PCDHA6: variants seen among roughly 807,000 people sequenced by gnomAD.
The protein encoded by PCDHA6 is protocadherin alpha-6.
In PCDHA6, 55 loss-of-function variants were observed where a neutral mutation model predicts 60.3. That is an observed-to-expected ratio of 0.91 (90% CI 0.73 to 1.14). The LOEUF (loss-of-function observed/expected upper bound fraction) is 1.14. Among genes scored for constraint, PCDHA6 ranks in the 50% most tolerant of loss-of-function variants. The probability of loss-of-function intolerance (pLI) is 0.00; values close to 1 mark genes in which losing one functional copy is unlikely to be tolerated. For synonymous variants in PCDHA6, 652 were observed against 557.9 expected (o/e 1.17, Z -2.38); for missense variants, 1,327 against 1,256.5 (o/e 1.06, Z -0.85).
In PCDHA6 at chr5:140,979,814, T is replaced by C. The variant is rs1296773498; in HGVS notation, c.2453+807T>C. 3.3e-5 allele frequency among the ~76,000 whole-genome samples: 5 copies of C among 152,232 alleles called. No homozygotes were observed. The South Asian group carries it at 8.3e-4, about 25-fold the overall frequency. On this transcript the variant is annotated intron_variant, in intron 2 of 3. Transcript: ENST00000529310. The stretch of plus-strand genomic sequence containing the variant: ...CAAATGATCACAACTATCAAAAGGA[T>C]TTAATTTTAAAGAAGAAATAATCTT...
chr5:140,911,672 C>G (rs1010402307), intron 1 of PCDHA6, among the ~76,000 whole-genome samples: 1 of 152,156 alleles, frequency 6.6e-6, no homozygotes, highest in Non-Finnish European at 1.5e-5. Context: ...TTGCCTCTCA[C>G]GAACCGTGCA....
intron 1 of PCDHA6, chr5:140,863,365 G>A (rs2047972870): frequency 2.5e-6 from 3 of 1,201,540 alleles, no homozygotes; most frequent in South Asian, 2.4e-5. Flanking sequence ...GCGGTGCTTG[G>A]CGCAGCTCAC....
intron 1 of PCDHA6, chr5:140,860,340 C>G (rs981702671): frequency 6.6e-6 from 1 of 151,936 alleles, no homozygotes; most frequent in Admixed American, 6.6e-5. Context: ...ATGATTGTGC[C>G]ACTGCACTCC....
chr5:140,932,199 A>C (rs1314795858), intron 1 of PCDHA6, among the ~76,000 whole-genome samples: 2 of 151,894 alleles, frequency 1.3e-5, no homozygotes, highest in African/African-American at 4.8e-5. Context: ...TTTTTCTGTT[A>C]ATATTCTTGA....
At chr5:140,896,090 C>T (rs1312909051) in intron 1 of PCDHA6, among the ~76,000 whole-genome samples, 2 of 152,152 alleles carry the variant, frequency 1.3e-5, no homozygotes, top group African/African-American at 4.8e-5. Flanking sequence ...GGATTACAGG[C>T]GTGAGCCACT....
chr5:140,967,433 C>A, intron 1 of PCDHA6: 1 of 1,613,500 alleles, frequency 6.2e-7, no homozygotes, highest in Non-Finnish European at 8.5e-7. Context: ...GGCAGCCTTG[C>A]ACCACCTGGT....
rs2096251750 is a variant in PCDHA6 at position 140,968,509 on chromosome 5, C to T, written c.2395-10440C>T. 3 of 1,614,162 alleles carry T rather than the reference C, an allele frequency of 1.9e-6. No individual in the cohort carries two copies. In the South Asian group the frequency reaches 3.3e-5, roughly 18 times the overall value. On this transcript the variant is annotated intron_variant, in intron 1 of 3. Coordinates refer to ENST00000529310, the MANE Select transcript of PCDHA6 (RefSeq NM_018909.4). Reference sequence around the variant, plus strand: ...ATGACCATGCCCCTCACATTCTGTACCCTACCTCAACCAACTCGTCAGCAG... The same window carrying T: ...ATGACCATGCCCCTCACATTCTGTATCCTACCTCAACCAACTCGTCAGCAG...
At chr5:141,000,011 C>T (rs548995159) in intron 3 of PCDHA6, among the ~76,000 whole-genome samples, 1 of 152,166 alleles carries the variant, frequency 6.6e-6, no homozygotes, top group East Asian at 1.9e-4. Flanking sequence ...TTGGCCTCCC[C>T]ATTGCTAAGC....
chr5:140,877,811 G>T (rs1256619106), intron 1 of PCDHA6: 1 of 1,610,242 alleles, frequency 6.2e-7, no homozygotes, highest in Non-Finnish European at 8.5e-7. Flanking sequence ...CAGCTGTCTC[G>T]AGAAGATTGT....
At chr5:140,872,812 C>G (rs1233699706) in intron 1 of PCDHA6, among the ~76,000 whole-genome samples, 2 of 152,144 alleles carry the variant, frequency 1.3e-5, no homozygotes, top group African/African-American at 4.8e-5. Context: ...ATAAGTTTTT[C>G]AGATTCATCT....
chr5:140,844,668 T>C lies in PCDHA6; in HGVS notation c.2394+14183T>C, dbSNP rs2150373115. Among the ~76,000 whole-genome samples, 20 of 149,718 alleles carry C rather than the reference T, an allele frequency of 1.3e-4. 1 individual carries two copies. The highest frequency in any genetic ancestry group is 4.9e-4 in the African/African-American group (20 of 40,994). On this transcript the variant is annotated intron_variant, in intron 1 of 3. Transcript: ENST00000529310. ...TCATTCTTGCAAACCAAACATATAA[T>C]TTATAAATCCTTATTATACAGAATA... is the stretch of plus-strand genomic sequence containing the variant.
At chr5:140,960,405 C>T (rs2095547214) in intron 1 of PCDHA6, among the ~76,000 whole-genome samples, 1 of 151,828 alleles carries the variant, frequency 6.6e-6, no homozygotes, top group Non-Finnish European at 1.5e-5. Context: ...AGGGGGGGTG[C>T]CCAAAAAGTC....
At chr5:140,846,500 A>G (rs1234725783) in intron 1 of PCDHA6, among the ~76,000 whole-genome samples, 2 of 143,700 alleles carry the variant, frequency 1.4e-5, no homozygotes, top group African/African-American at 2.6e-5. Flanking sequence ...TCAGCCTCCC[A>G]AGTAGCTGGG....
intron 1 of PCDHA6, chr5:140,868,729 T>C (rs1467955446): frequency 5.1e-6 from 1 of 195,146 alleles, no homozygotes; most frequent in African/African-American, 2.3e-5. Flanking sequence ...TTGATGTTAA[T>C]CGAGAAATAC....
In PCDHA6 at chr5:140,838,575, T is replaced by G. The variant is rs1333635354; in HGVS notation, c.2394+8090T>G. Among the ~76,000 whole-genome samples the G allele has an allele frequency of 2.6e-5, 4 of 152,148 alleles. No homozygotes were observed. In the East Asian group the frequency reaches 7.7e-4, roughly 29 times the overall value. The stretch of plus-strand genomic sequence containing the variant: ...TTCATCCAGTACTGTATTAGGGACA[T>G]TAATGAAACAATAACCGAATTGTCT... On this transcript the variant is annotated intron_variant, in intron 1 of 3. Coordinates refer to ENST00000529310, the MANE Select transcript of PCDHA6 (RefSeq NM_018909.4).
rs1262192253 is a variant in PCDHA6, at chr5:140,829,694, G to A, written c.1603G>A (p.Val535Met). The A allele has an allele frequency of 6.2e-7, 1 of 1,613,324 alleles. No individual in the cohort carries two copies. Among genetic ancestry groups the A allele is most frequent in the Non-Finnish European group, 8.5e-7 (1 of 1,179,870 alleles). Reference sequence around the variant, plus strand: ...GGAGCTAGAGCTGCTGCAGTTTCAGGTGAGCGCGCGCGACGCGGGCGTGCC... The same window carrying A: ...GGAGCTAGAGCTGCTGCAGTTTCAGATGAGCGCGCGCGACGCGGGCGTGCC... The part of the protein sequence containing the change: ...HEELELLQFQ[V>M]SARDAGVPPL... Residue 535 changes from valine to methionine, a missense_variant, in exon 1 of 4, where the codon GTG (valine) becomes ATG (methionine). Transcript: ENST00000529310.
At chr5:140,969,161 G>A (rs782498682) in intron 1 of PCDHA6, 1 of 1,614,156 alleles carries the variant, frequency 6.2e-7, no homozygotes, top group South Asian at 1.1e-5. Context: ...CTGTCTGACA[G>A]CAGGCTCAGG....
At chr5:141,006,662 G>A (rs1198129323) in intron 3 of PCDHA6, among the ~76,000 whole-genome samples, 1 of 152,192 alleles carries the variant, frequency 6.6e-6, no homozygotes, top group Admixed American at 6.5e-5. Context: ...TCCTGAAAGA[G>A]TGGTGGCAGT....
Position 140,828,012 on chromosome 5 carries a change from A to G in PCDHA6, c.-80A>G, listed in dbSNP as rs1183696276. On this transcript the variant is annotated 5_prime_UTR_variant, in exon 1 of 4. Transcript: ENST00000529310. ...ATGATGGCGGACGCAGAAGAAATGG[A>G]TTAATAAATTCCGGAACATACAGTA... is the stretch of plus-strand genomic sequence containing the variant. 4.0e-6 allele frequency: 6 copies of G among 1,508,934 alleles called. No homozygotes were observed. The East Asian group carries it at 1.4e-4, about 34-fold the overall frequency. The allele number at this position is 1,508,934 out of a possible 1,614,324, so 93.5% of individuals were successfully genotyped here. A position where few individuals can be genotyped will look rare whatever the true frequency, so the allele number is the denominator to read the frequency against.
Sources: gnomAD v4.1 joint callset for allele counts (sites outside exome capture counted in the v4.1 genomes callset) on GRCh38, gnomAD v4.1.1 for gene constraint, MANE v1.5 for transcripts, NCBI Gene and HGNC (gene_info 2026-07-23, HGNC 2026-07-21) for gene names.